The following GSE1 variants were observed in gnomAD, a reference collection of about 807,000 sequenced individuals.
GSE1 encodes Gse1 coiled-coil protein, also known as genetic suppressor element 1.
A neutral mutation model predicts 112.6 loss-of-function variants in GSE1; 32 were observed. That is an observed-to-expected ratio of 0.28 (90% confidence interval 0.21 to 0.38). The LOEUF (loss-of-function observed/expected upper bound fraction) is 0.38. Among genes scored for constraint, GSE1 ranks in the 10% least tolerant of loss-of-function variants. The pLI is 1.00. For missense variants in GSE1, 2,348 were observed against 1,699.2 expected (o/e 1.38, Z -6.71); for synonymous variants, 1,115 against 735.6 (o/e 1.52, Z -8.35).
In GSE1 at chr16:85,673,744, G is replaced by C. The variant is rs1489667429; in HGVS notation, c.*1205G>C. ...AATATTACCCATTGCTATCAAGGGA[G>C]GAGGGGGTAGTCTGTAGAACCCATG... On this transcript the variant is annotated 3_prime_UTR_variant, in exon 16 of 16. Transcript: ENST00000253458. 2.0e-5 allele frequency: 3 copies of C among 152,176 alleles called. No homozygotes were observed. Among genetic ancestry groups the C allele is most frequent in the African/African-American group, 7.2e-5 (3 of 41,428 alleles). 9.4% of individuals were successfully genotyped at this position (152,176 alleles called of 1,614,324 possible).
Position 85,180,151 on chromosome 16 carries a change from C to T in GSE1, c.2283+8344C>T, listed in dbSNP as rs2074552359. Among the ~76,000 whole-genome samples, 3 of 152,348 alleles carry T rather than the reference C, an allele frequency of 2.0e-5. No individual in the cohort carries two copies. The South Asian group carries it at 6.2e-4, about 32-fold the overall frequency. On this transcript the variant is annotated intron_variant, in intron 1 of 2. Coordinates refer to the GSE1 transcript ENST00000637419. ...TTTTAAGCTCTGCTGCCTGGCCTGT[C>T]TGGCGTGGAGCCCTTGATTAAATCG...
At chr16:85,566,060 C>T (rs1245366449) in intron 1 of GSE1, among the ~76,000 whole-genome samples, 1 of 152,102 alleles carries the variant, frequency 6.6e-6, no homozygotes, top group Admixed American at 6.5e-5. Context: ...AGTAGCGGAG[C>T]CTGCCTCCTG....
intron 1 of GSE1, among the ~76,000 whole-genome samples, chr16:85,220,138 C>T (rs2075366852): frequency 6.6e-6 from 1 of 152,242 alleles, no homozygotes; most frequent in African/African-American, 2.4e-5. Flanking sequence ...TCAAGGAGCA[C>T]GGGGAAATCC....
At chr16:85,250,538 T>C (rs889413649) in intron 1 of GSE1, among the ~76,000 whole-genome samples, 2 of 152,260 alleles carry the variant, frequency 1.3e-5, no homozygotes, top group African/African-American at 4.8e-5. Context: ...ACCTTTATTA[T>C]GCTGCTGATC....
intron 1 of GSE1, among the ~76,000 whole-genome samples, chr16:85,588,789 G>A (rs1035805422): frequency 6.6e-6 from 1 of 152,194 alleles, no homozygotes; most frequent in Non-Finnish European, 1.5e-5. Context: ...GGGGCCCGGG[G>A]ACGCTGGAGG....
Position 85,657,292 on chromosome 16 carries a change from C to A in GSE1, c.1328C>A (p.Ala443Asp). The A allele has an allele frequency of 6.4e-7, 1 of 1,558,790 alleles. No individual in the cohort carries two copies. The highest frequency in any genetic ancestry group is 1.9e-5 in the Admixed American group (1 of 52,974). ...TPTRAEKLKDAGLQAPKPVQH... is the reference protein window; with the variant it reads ...TPTRAEKLKDDGLQAPKPVQH... ...CCCCCCACAGAGAAGCTGAAGGATG[C>A]CGGCCTGCAGGCGCCCAAGCCCGTC... is the stretch of plus-strand genomic sequence containing the variant. Residue 443 changes from alanine to aspartate, a missense_variant, in exon 8 of 16, where the codon GCC (alanine) becomes GAC (aspartate). By Grantham distance (126) the Ala-to-Asp change is moderately radical (BLOSUM62 -2). Transcript: ENST00000253458.
At chr16:85,220,424 A>G (rs936296219) in intron 1 of GSE1, among the ~76,000 whole-genome samples, 3 of 152,232 alleles carry the variant, frequency 2.0e-5, no homozygotes. Flanking sequence ...CCGGCTCAGC[A>G]GACTGTTTGA....
intron 2 of GSE1, among the ~76,000 whole-genome samples, chr16:85,365,034 T>C (rs908462038): frequency 1.3e-5 from 2 of 152,324 alleles, no homozygotes; most frequent in African/African-American, 4.8e-5. Flanking sequence ...GCAGCTGCTC[T>C]GTAGGAAGGG....
chr16:85,531,799 C>T (rs1159358031), intron 2 of GSE1, among the ~76,000 whole-genome samples: 3 of 152,182 alleles, frequency 2.0e-5, no homozygotes, highest in African/African-American at 7.2e-5. Flanking sequence ...GGGCCAGGTG[C>T]TGGGCGCAGG....
At chr16:85,338,264 C>T (rs759191216) in intron 1 of GSE1, among the ~76,000 whole-genome samples, 26 of 152,240 alleles carry the variant, frequency 1.7e-4, no homozygotes, top group Non-Finnish European at 2.5e-4. Flanking sequence ...CGTATCTTGC[C>T]TTCACCTCTG....
At chr16:85,180,891 C>T (rs973491889) in intron 1 of GSE1, among the ~76,000 whole-genome samples, 6 of 152,204 alleles carry the variant, frequency 3.9e-5, no homozygotes, top group African/African-American at 1.4e-4. Flanking sequence ...ATTTACGTAC[C>T]AGTGATGTCA....
intron 9 of GSE1, 58 bp from the exon 10 acceptor site, chr16:85,662,923 T>C: frequency 8.3e-7 from 1 of 1,211,248 alleles, no homozygotes; most frequent in Non-Finnish European, 1.2e-6. Flanking sequence ...CCTGCGGGCA[T>C]GTCCACTGGA....
chr16:85,516,957 C>T (rs1040474520), intron 2 of GSE1, among the ~76,000 whole-genome samples: 11 of 152,116 alleles, frequency 7.2e-5, no homozygotes, highest in Non-Finnish European at 1.3e-4. Context: ...GTCACCACGC[C>T]CGGCTAATTT....
intron 1 of GSE1, among the ~76,000 whole-genome samples, chr16:85,604,370 C>G (rs2047593212): frequency 6.6e-6 from 1 of 152,072 alleles, no homozygotes. Flanking sequence ...ATAGTCCACT[C>G]ACTGTATGGA....
intron 1 of GSE1, among the ~76,000 whole-genome samples, chr16:85,301,221 C>T (rs1043157603): frequency 3.3e-5 from 5 of 152,212 alleles, no homozygotes; most frequent in East Asian, 1.9e-4. Context: ...AGGTCGAGCC[C>T]GTGTTCCATT....
At chr16:85,636,732 G>C (rs2151774395) in intron 2 of GSE1, among the ~76,000 whole-genome samples, 2 of 152,348 alleles carry the variant, frequency 1.3e-5, no homozygotes, top group South Asian at 4.1e-4. Flanking sequence ...TTCTGAGCTG[G>C]TGGTCCCGGC....
intron 2 of GSE1, among the ~76,000 whole-genome samples, chr16:85,399,490 G>C (rs576150926): frequency 6.6e-6 from 1 of 152,220 alleles, no homozygotes; most frequent in African/African-American, 2.4e-5. Context: ...TTGCTGATGC[G>C]GTTGTACCTT....
chr16:85,633,581 T>TC (rs920265734), intron 1 of GSE1, among the ~76,000 whole-genome samples: 1 of 152,158 alleles, frequency 6.6e-6, no homozygotes, highest in Non-Finnish European at 1.5e-5. Context: ...CATTTGATGG[T>TC]CAGGGGCCTG....
chr16:85,308,041 A>G (rs1439397674), intron 1 of GSE1, among the ~76,000 whole-genome samples: 1 of 152,176 alleles, frequency 6.6e-6, no homozygotes, highest in Non-Finnish European at 1.5e-5. Flanking sequence ...CAGCGTGGAC[A>G]GCTTCCACCA....
Sources: gnomAD v4.1 joint callset for allele counts (sites outside exome capture counted in the v4.1 genomes callset) on GRCh38, gnomAD v4.1.1 for gene constraint, MANE v1.5 for transcripts, NCBI Gene and HGNC (gene_info 2026-07-23, HGNC 2026-07-21) for gene names.